The following POLR2J variants were observed in gnomAD, a reference collection of about 807,000 sequenced individuals.
The protein encoded by POLR2J is RNA polymerase II subunit J.
A neutral mutation model predicts 13.4 loss-of-function variants in POLR2J; 12 were observed. The observed-to-expected ratio is 0.90, with a 90% CI of 0.57 to 1.45. The LOEUF is 1.45. Among genes scored for constraint, POLR2J ranks in the 40% most tolerant of loss-of-function variants. The pLI is 0.00. For synonymous variants in POLR2J, 31 were observed against 53.6 expected (o/e 0.58, Z 1.84); for missense variants, 58 against 132.0 (o/e 0.44, Z 2.75).
rs772957513 is a variant in POLR2J, at chr7:102,473,196, C to T, written c.*453G>A. The stretch of plus-strand genomic sequence containing the variant: ...CTGTGGAAAGGTGTTTCGAGTTATG[C>T]AGGAAGAAGTGTTCCTGCTTTGACT... On this transcript the variant is annotated 3_prime_UTR_variant, in exon 4 of 4. Coordinates refer to ENST00000292614, the MANE Select transcript of POLR2J (RefSeq NM_006234.6). 3.1e-6 allele frequency: 3 copies of T among 956,652 alleles called. No individual in the cohort carries two copies. In the South Asian group the frequency reaches 5.2e-5, roughly 17 times the overall value. The allele number at this position is 956,652 out of a possible 1,614,324, so 59.3% of individuals were successfully genotyped here. A position where few individuals can be genotyped will look rare whatever the true frequency, so the allele number is the denominator to read the frequency against.
Position 102,473,799 on chromosome 7 carries a change from C to T in POLR2J, c.319-115G>A, listed in dbSNP as rs1413047346. 1.4e-5 allele frequency: 21 copies of T among 1,533,614 alleles called. No homozygotes were observed. In the East Asian group the frequency reaches 4.5e-4, roughly 33 times the overall value. Reference sequence around the variant, plus strand: ...CTTCCTGGAGGGCAGCCATGGGCCACACTCCCCAGGACAGTGGAGCAGCCA... The same window carrying T: ...CTTCCTGGAGGGCAGCCATGGGCCATACTCCCCAGGACAGTGGAGCAGCCA... On this transcript the variant is annotated intron_variant, in intron 3 of 3. Transcript: ENST00000292614.
intron 1 of POLR2J, among the ~76,000 whole-genome samples, chr7:102,478,455 C>T (rs1357166518): frequency 6.6e-6 from 1 of 151,076 alleles, no homozygotes; most frequent in Non-Finnish European, 1.5e-5. Context: ...AGGCCGCTGA[C>T]AGATCGGAGG....
In POLR2J at chr7:102,473,145, A is replaced by C; in HGVS notation, c.*504T>G. ...GGGGGGTCTTTCAGTGAATATTTTT[A>C]TTAAACTCTACTGTGGACAAGAAGC... On this transcript the variant is annotated 3_prime_UTR_variant, in exon 4 of 4. Coordinates refer to ENST00000292614, the MANE Select transcript of POLR2J (RefSeq NM_006234.6). The C allele has an allele frequency of 1.5e-6, 2 of 1,350,198 alleles. No homozygotes were observed. The highest frequency in any genetic ancestry group is 1.0e-6 in the Non-Finnish European group (1 of 988,010). 83.6% of individuals were successfully genotyped at this position (1,350,198 alleles called of 1,614,324 possible).
intron 1 of POLR2J, among the ~76,000 whole-genome samples, chr7:102,478,509 T>C (rs972816592): frequency 2.0e-5 from 3 of 152,034 alleles, no homozygotes; most frequent in Non-Finnish European, 4.4e-5. Context: ...AAGAGGAAGC[T>C]GCCAGATCCC....
At position 102,473,459 on chromosome 7, in the gene POLR2J, T is replaced by C; in HGVS notation, c.*190A>G. The C allele has an allele frequency of 1.5e-6, 1 of 662,920 alleles. No homozygotes were observed. Among genetic ancestry groups the C allele is most frequent in the Non-Finnish European group, 2.1e-6 (1 of 476,528 alleles). 41.1% of individuals were successfully genotyped at this position (662,920 alleles called of 1,614,324 possible). Reference sequence around the variant, plus strand: ...CGCTGCTCAAGTCCACATCCAGGTCTCTCCCGCTATACTTTATTAGGAATA... The same window carrying C: ...CGCTGCTCAAGTCCACATCCAGGTCCCTCCCGCTATACTTTATTAGGAATA... On this transcript the variant is annotated 3_prime_UTR_variant, in exon 4 of 4. Coordinates refer to ENST00000292614, the MANE Select transcript of POLR2J (RefSeq NM_006234.6).
In POLR2J at chr7:102,478,875, T is replaced by C. The variant is rs1131325; in HGVS notation, c.-15A>G. ...GGGGCGTTCATGCTCCCGCCGCCGT[T>C]GCGTCCAGACCCCAAGGGTCCGCCG... On this transcript the variant is annotated 5_prime_UTR_variant, in exon 1 of 4. Coordinates refer to ENST00000292614, the MANE Select transcript of POLR2J (RefSeq NM_006234.6). 969,472 of 1,603,076 alleles carry C rather than the reference T, an allele frequency of 0.6. 297,210 individuals carry two copies. The highest frequency in any genetic ancestry group is 0.66 in the Middle Eastern group (2,889 of 4,410).
At position 102,473,652 on chromosome 7, in the gene POLR2J, C is replaced by A; in HGVS notation, c.351G>T (p.Glu117Asp). The change falls in exon 4 of 4, where the codon GAG becomes GAT. Residue 117 changes from glutamate (E) to aspartate (D), a missense_variant. Transcript: ENST00000292614. Reference sequence around the variant, plus strand: ...CGAGCAGAGCCCCCTCTGGCCCCTACTCAATTCCTTCCTGCTTGTCTTTTA... The same window carrying A: ...CGAGCAGAGCCCCCTCTGGCCCCTAATCAATTCCTTCCTGCTTGTCTTTTA... ...VAIKDKQEGIE is the reference protein window; with the variant it reads ...VAIKDKQEGID 1 of 1,613,924 alleles carries A rather than the reference C, an allele frequency of 6.2e-7. No individual in the cohort carries two copies. The highest frequency in any genetic ancestry group is 8.5e-7 in the Non-Finnish European group (1 of 1,179,928).
rs369093993 is a variant in POLR2J at position 102,478,902 on chromosome 7, C to A, written c.-42G>T. 1 of 1,609,572 alleles carries A rather than the reference C, an allele frequency of 6.2e-7. No homozygotes were observed. Among genetic ancestry groups the A allele is most frequent in the Non-Finnish European group, 8.5e-7 (1 of 1,179,342 alleles). On this transcript the variant is annotated 5_prime_UTR_variant, in exon 1 of 4. Transcript: ENST00000292614. ...CGTCCAGACCCCAAGGGTCCGCCGC[C>A]GCCGCCACCAGAGCCCTAATAAGAG...
Position 102,473,468 on chromosome 7 carries a change from A to T in POLR2J, c.*181T>A. On this transcript the variant is annotated 3_prime_UTR_variant, in exon 4 of 4. Coordinates refer to ENST00000292614, the MANE Select transcript of POLR2J (RefSeq NM_006234.6). ...AGTCCACATCCAGGTCTCTCCCGCT[A>T]TACTTTATTAGGAATATAAAACCTA... The T allele has an allele frequency of 1.2e-6, 1 of 861,882 alleles. No homozygotes were observed. Among genetic ancestry groups the T allele is most frequent in the Non-Finnish European group, 1.7e-6 (1 of 588,446 alleles). 53.4% of individuals were successfully genotyped at this position (861,882 alleles called of 1,614,324 possible).
At chr7:102,473,891 C>A in intron 3 of POLR2J, 1 of 1,440,574 alleles carries the variant, frequency 6.9e-7, no homozygotes, top group Non-Finnish European at 9.1e-7. Context: ...TCAGAGGCCC[C>A]AGAGGCTTCC....
At chr7:102,474,765 C>G (rs3873772) in intron 2 of POLR2J, among the ~76,000 whole-genome samples, 7,491 of 82,192 alleles carry the variant, frequency 0.091, 308 homozygotes, top group Middle Eastern at 0.23. Context: ...GAGCTGGAAA[C>G]AGATTCCAGC....
intron 1 of POLR2J, among the ~76,000 whole-genome samples, chr7:102,476,484 A>G (rs556458987): frequency 2.0e-5 from 3 of 149,502 alleles, no homozygotes; most frequent in Non-Finnish European, 4.4e-5. Context: ...TACAAAGAAA[A>G]AAAAAATTAG....
intron 3 of POLR2J, 55 bp downstream of exon 3, chr7:102,474,306 G>T (rs1409586628): frequency 1.9e-6 from 3 of 1,611,524 alleles, no homozygotes; most frequent in Non-Finnish European, 2.5e-6. Context: ...CCAGGCCTGG[G>T]CACACGGGCC....
chr7:102,477,994 G>GT (rs1358153458), intron 1 of POLR2J, among the ~76,000 whole-genome samples: 2 of 117,166 alleles, frequency 1.7e-5, no homozygotes, highest in Non-Finnish European at 3.7e-5. Context: ...CCCTTTTTTT[G>GT]TTTTTTGAAA....
In POLR2J at chr7:102,473,234, C is replaced by CAGG; in HGVS notation, c.*412_*414dup. The CAGG allele has an allele frequency of 1.4e-6, 1 of 739,150 alleles. No individual in the cohort carries two copies. 45.8% of individuals were successfully genotyped at this position (739,150 alleles called of 1,614,324 possible). On this transcript the variant is annotated 3_prime_UTR_variant, in exon 4 of 4. Coordinates refer to ENST00000292614, the MANE Select transcript of POLR2J (RefSeq NM_006234.6). ...TCCTGCTTTGACTGACAGGCAGGCC[C>CAGG]AGGAGTTGAGGCTTCTAGAGCAGAG...
intron 2 of POLR2J, among the ~76,000 whole-genome samples, chr7:102,475,778 C>T (rs1289467976): frequency 1.1e-4 from 17 of 150,732 alleles, no homozygotes; most frequent in Admixed American, 2.0e-4. Flanking sequence ...AAAAATTAGC[C>T]GGGCATCGTG....
chr7:102,473,369 G>A lies in POLR2J; in HGVS notation c.*280C>T, dbSNP rs932147131. On this transcript the variant is annotated 3_prime_UTR_variant, in exon 4 of 4. Transcript: ENST00000292614. ...CAGAATGAATTCATCCCTGCCAGCC[G>A]GACGCCCCTGAAACAGGTCATCTGC... 2.6e-5 allele frequency: 15 copies of A among 570,080 alleles called. No homozygotes were observed. The highest frequency in any genetic ancestry group is 1.0e-4 in the South Asian group (4 of 39,798). 35.3% of individuals were successfully genotyped at this position (570,080 alleles called of 1,614,324 possible). A position where few individuals can be genotyped will look rare whatever the true frequency, so the allele number is the denominator to read the frequency against.
chr7:102,478,912 A>G lies in POLR2J; in HGVS notation c.-52T>C, dbSNP rs776935984. The G allele has an allele frequency of 3.7e-6, 6 of 1,609,018 alleles. No individual in the cohort carries two copies. In the African/African-American group the frequency reaches 5.3e-5, roughly 14 times the overall value. On this transcript the variant is annotated 5_prime_UTR_variant, in exon 1 of 4. Transcript: ENST00000292614. Reference sequence around the variant, plus strand: ...CCAAGGGTCCGCCGCCGCCGCCACCAGAGCCCTAATAAGAGGCCTCTTCCG... The same window carrying G: ...CCAAGGGTCCGCCGCCGCCGCCACCGGAGCCCTAATAAGAGGCCTCTTCCG...
Position 102,473,686 on chromosome 7 carries a change from T to C in POLR2J, c.319-2A>G, listed in dbSNP as rs1362371568. On this transcript the variant is annotated splice_acceptor_variant, in intron 3 of 3. Transcript: ENST00000292614. LOFTEE classifies it high-confidence loss of function. ...TTCCTGCTTGTCTTTTATGGCCACC[T>C]GGGAGAGAAGAAGGTGGTGGAGACT... The C allele has an allele frequency of 6.2e-6, 10 of 1,613,700 alleles. No individual in the cohort carries two copies. The highest frequency in any genetic ancestry group is 8.5e-6 in the Non-Finnish European group (10 of 1,179,882).
Sources: allele counts gnomAD v4.1 joint callset (sites outside exome capture counted in the v4.1 genomes callset), GRCh38; gene constraint gnomAD v4.1.1; transcripts MANE v1.5; gene names NCBI Gene and HGNC (gene_info 2026-07-23, HGNC 2026-07-21).